BCKDHB: variants seen among roughly 807,000 people sequenced by gnomAD.
BCKDHB encodes 2-oxoisovalerate dehydrogenase subunit beta, mitochondrial.
In BCKDHB, 41 loss-of-function variants were observed where a neutral mutation model predicts 48.5. That is an observed-to-expected ratio of 0.85 (90% CI 0.66 to 1.10). The LOEUF is 1.10. Among genes scored for constraint, BCKDHB ranks in the 50% least tolerant of loss-of-function variants. BCKDHB has a pLI of 0.00. For synonymous variants in BCKDHB, 201 were observed against 174.8 expected, an observed-to-expected ratio of 1.15 and a Z score of -1.18; for missense variants, 496 against 494.2, an observed-to-expected ratio of 1.00 and a Z score of -0.03.
chr6:80,145,119 A>G (rs1771417355), intron 3 of BCKDHB, among the ~76,000 whole-genome samples: 3 of 152,126 alleles, frequency 2.0e-5, no homozygotes, highest in African/African-American at 7.2e-5. Flanking sequence ...TTTCTGCCAA[A>G]CTGCTAAGGG....
chr6:80,322,551 A>G (rs796163628), intron 9 of BCKDHB, among the ~76,000 whole-genome samples: 6 of 152,218 alleles, frequency 3.9e-5, no homozygotes, highest in African/African-American at 1.4e-4. Flanking sequence ...TGTGTTTTCT[A>G]AAGTGGATTT....
the BCKDHB span, among the ~76,000 whole-genome samples, chr6:80,351,599 C>A: frequency 2.0e-5 from 3 of 150,510 alleles, no homozygotes; most frequent in African/African-American, 7.3e-5. Context: ...AATCAGAGCC[C>A]TTCTTAAAGA....
chr6:80,210,742 G>T (rs377067949), intron 8 of BCKDHB, among the ~76,000 whole-genome samples: 18 of 152,138 alleles, frequency 1.2e-4, no homozygotes, highest in African/African-American at 4.1e-4. Flanking sequence ...CACACCCTTC[G>T]TTCAGTTTCT....
At chr6:80,137,176 T>A (rs190650488) in intron 3 of BCKDHB, among the ~76,000 whole-genome samples, 18 of 152,318 alleles carry the variant, frequency 1.2e-4, no homozygotes, top group African/African-American at 4.1e-4. Flanking sequence ...ATGCTTCATT[T>A]ACTTTAGTTT....
At chr6:80,197,374 G>T (rs1774180005) in intron 6 of BCKDHB, among the ~76,000 whole-genome samples, 1 of 150,070 alleles carries the variant, frequency 6.7e-6, no homozygotes, top group Non-Finnish European at 1.5e-5. Flanking sequence ...CTAAGAGGAG[G>T]TTTTTTTTTC....
chr6:80,169,159 T>A, intron 5 of BCKDHB, 129 bp downstream of exon 5: 1 of 1,266,758 alleles, frequency 7.9e-7, no homozygotes, highest in Non-Finnish European at 1.1e-6. Context: ...TGAACTTAAC[T>A]GTATTTAAGA....
chr6:80,407,574 C>A, the BCKDHB span, among the ~76,000 whole-genome samples: 1 of 152,148 alleles, frequency 6.6e-6, no homozygotes, highest in Non-Finnish European at 1.5e-5. Context: ...CTTCACAATT[C>A]TTGTAAGTTG....
Position 80,169,030 on chromosome 6 carries a change from G to A in BCKDHB, c.633G>A (p.Lys211=), listed in dbSNP as rs143427811. The A allele has an allele frequency of 2.5e-6, 4 of 1,613,510 alleles. No homozygotes were observed. Among genetic ancestry groups the A allele is most frequent in the Non-Finnish European group, 3.4e-6 (4 of 1,179,674 alleles). ...TTTTTGCCCATTGCCCAGGAATCAA[G>A]GTATGTTCATTTATGTACTTTATTT... ...EAFFAHCPGI[K]VVIPRSPFQA... is the part of the protein sequence containing the mutation. The change falls in exon 5 of 10, where the codon AAG becomes AAA. Residue 211 remains lysine (K), a splice_region_variant and synonymous_variant. Transcript: ENST00000320393.
At chr6:80,260,428 CA>C (rs1777250776) in intron 8 of BCKDHB, among the ~76,000 whole-genome samples, 2 of 152,126 alleles carry the variant, frequency 1.3e-5, no homozygotes, top group South Asian at 4.2e-4. Flanking sequence ...CTCACTCTTC[CA>C]GTAGTATATA....
At chr6:80,306,215 T>G (rs1767870774) in intron 9 of BCKDHB, among the ~76,000 whole-genome samples, 1 of 152,250 alleles carries the variant, frequency 6.6e-6, no homozygotes, top group African/African-American at 2.4e-5. Context: ...GCATTAAGTT[T>G]AATTTAATGT....
the BCKDHB span, among the ~76,000 whole-genome samples, chr6:80,418,056 C>A: frequency 5.9e-5 from 9 of 151,594 alleles, no homozygotes; most frequent in Non-Finnish European, 1.3e-4. Context: ...CTTTTTTTGT[C>A]TCACTATCTT....
At chr6:80,207,913 C>T (rs1774742980) in intron 8 of BCKDHB, among the ~76,000 whole-genome samples, 1 of 151,790 alleles carries the variant, frequency 6.6e-6, no homozygotes, top group African/African-American at 2.4e-5. Context: ...TTCACAGTTA[C>T]AGCAGGAGAC....
chr6:80,453,898 C>A, the BCKDHB span, among the ~76,000 whole-genome samples: 1 of 152,124 alleles, frequency 6.6e-6, no homozygotes, highest in East Asian at 1.9e-4. Flanking sequence ...TCTTCTAATA[C>A]TGCCTAGAAT....
At chr6:80,124,694 C>T (rs1770246225) in intron 1 of BCKDHB, among the ~76,000 whole-genome samples, 1 of 152,158 alleles carries the variant, frequency 6.6e-6, no homozygotes, top group Non-Finnish European at 1.5e-5. Flanking sequence ...TTATACATCT[C>T]CGTCAGAGCG....
At chr6:80,295,447 C>T (rs1767175684) in intron 9 of BCKDHB, among the ~76,000 whole-genome samples, 1 of 151,964 alleles carries the variant, frequency 6.6e-6, no homozygotes, top group East Asian at 1.9e-4. Context: ...TACTCACTAT[C>T]ACAGAACAGC....
At chr6:80,379,586 G>GCCCA in the BCKDHB span, among the ~76,000 whole-genome samples, 1 of 152,000 alleles carries the variant, frequency 6.6e-6, no homozygotes, top group Non-Finnish European at 1.5e-5. Context: ...AGTACTGGTA[G>GCCCA]CCCAAGCCAG....
At chr6:80,349,554 G>T (rs1449955405), downstream of BCKDHB, among the ~76,000 whole-genome samples, 2 of 152,154 alleles carry the variant, frequency 1.3e-5, no homozygotes, top group African/African-American at 4.8e-5. Flanking sequence ...CCAATTAAAA[G>T]CTGTTCACCA....
At chr6:80,331,934 T>A (rs1462469309) in intron 9 of BCKDHB, among the ~76,000 whole-genome samples, 1 of 151,788 alleles carries the variant, frequency 6.6e-6, no homozygotes, top group Non-Finnish European at 1.5e-5. Context: ...ATTTGTTATG[T>A]CAATTGTAAG....
At chr6:80,185,956 G>A (rs552053930) in intron 6 of BCKDHB, among the ~76,000 whole-genome samples, 4 of 152,318 alleles carry the variant, frequency 2.6e-5, no homozygotes, top group African/African-American at 9.6e-5. Flanking sequence ...GGTTAGTCAG[G>A]ATGTTGTAGA....
Sources: gnomAD v4.1 joint callset for allele counts (sites outside exome capture counted in the v4.1 genomes callset) on GRCh38, gnomAD v4.1.1 for gene constraint, MANE v1.5 for transcripts, NCBI Gene and HGNC (gene_info 2026-07-23, HGNC 2026-07-21) for gene names.